The following LAMA3 variants were observed in gnomAD, a reference collection of about 807,000 sequenced individuals.
The protein encoded by LAMA3 is laminin subunit alpha-3.
In LAMA3, 281 loss-of-function variants were observed where a neutral mutation model predicts 402.0. The ratio of observed to expected loss-of-function variants is 0.70; its 90% CI spans 0.63 to 0.77. LAMA3 has a LOEUF of 0.77. Ranked by LOEUF, LAMA3 falls within the 30% of genes least tolerant of loss-of-function variation. LAMA3 has a pLI of 0.00. For synonymous variants in LAMA3, 1,431 were observed against 1,558.4 expected, an observed-to-expected ratio of 0.92 and a Z score of 1.93; for missense variants, 3,840 against 4,215.5, an observed-to-expected ratio of 0.91 and a Z score of 2.47.
At chr18:23,908,851 G>A (rs1283930320) in intron 54 of LAMA3, among the ~76,000 whole-genome samples, 1 of 152,216 alleles carries the variant, frequency 6.6e-6, no homozygotes, top group African/African-American at 2.4e-5. Context: ...ATTCACATGG[G>A]TGGGACCATA....
chr18:23,912,139 G>GTTT (rs35301452), intron 55 of LAMA3, among the ~76,000 whole-genome samples: 2 of 140,364 alleles, frequency 1.4e-5, no homozygotes, highest in Non-Finnish European at 3.0e-5. Flanking sequence ...GATATATATA[G>GTTT]TTTTTTTTTT....
chr18:23,843,779 A>G (rs1289394270), intron 29 of LAMA3, among the ~76,000 whole-genome samples: 1 of 152,024 alleles, frequency 6.6e-6, no homozygotes, highest in Non-Finnish European at 1.5e-5. Flanking sequence ...TCTCTCTGCC[A>G]TTGCCCTACT....
chr18:23,748,076 T>C lies in LAMA3; in HGVS notation c.565+16T>C. 7.8e-7 allele frequency: 1 copy of C among 1,283,088 alleles called. No homozygotes were observed. Among genetic ancestry groups the C allele is most frequent in the East Asian group, 2.3e-5 (1 of 43,400 alleles). 79.5% of individuals were successfully genotyped at this position (1,283,088 alleles called of 1,614,324 possible). A position where few individuals can be genotyped will look rare whatever the true frequency, so the allele number is the denominator to read the frequency against. The stretch of plus-strand genomic sequence containing the variant: ...TATTTTGCTCGTAAGTAATCTTGCC[T>C]ACCATGTTATGCATGGCTTTAATTA... On this transcript the variant is annotated intron_variant, in intron 3 of 74. Transcript: ENST00000313654.
At chr18:23,827,563 G>T in intron 23 of LAMA3, 96 bp downstream of exon 23, 7 of 1,336,514 alleles carry the variant, frequency 5.2e-6, no homozygotes, top group Non-Finnish European at 7.3e-6. Context: ...AAATTCAGGG[G>T]AACCTGGAAG....
chr18:23,932,483 C>A, intron 66 of LAMA3, 192 bp downstream of exon 66: 1 of 571,282 alleles, frequency 1.8e-6, no homozygotes. Context: ...CTGGGCCCGG[C>A]CTCCTTTTGG....
intron 44 of LAMA3, among the ~76,000 whole-genome samples, chr18:23,895,601 T>A (rs2080850645): frequency 6.6e-6 from 1 of 152,244 alleles, no homozygotes; most frequent in Non-Finnish European, 1.5e-5. Context: ...TTGTTCATAA[T>A]GTTCCCTTAT....
chr18:23,926,570 A>T (rs1256828541), intron 62 of LAMA3, among the ~76,000 whole-genome samples: 1 of 152,214 alleles, frequency 6.6e-6, no homozygotes, highest in Non-Finnish European at 1.5e-5. Context: ...AGGTAGCTCA[A>T]CTGTTTCTAA....
At chr18:23,717,990 GC>G in intron 2 of LAMA3, among the ~76,000 whole-genome samples, 1 of 152,160 alleles carries the variant, frequency 6.6e-6, no homozygotes, top group Non-Finnish European at 1.5e-5. Flanking sequence ...TATACATTAT[GC>G]AGTAGTTTCA....
intron 6 of LAMA3, among the ~76,000 whole-genome samples, chr18:23,754,728 T>C (rs903989670): frequency 1.3e-5 from 2 of 152,236 alleles, no homozygotes; most frequent in Non-Finnish European, 2.9e-5. Flanking sequence ...CAGCCATACA[T>C]TTGTGTTACC....
chr18:23,858,586 C>T lies in LAMA3; in HGVS notation c.4282-103C>T, dbSNP rs941826840. The T allele has an allele frequency of 1.8e-4, 187 of 1,052,660 alleles. 3 individuals carry two copies. In the Admixed American group the frequency reaches 1.9e-3, roughly 11 times the overall value. 65.2% of individuals were successfully genotyped at this position (1,052,660 alleles called of 1,614,324 possible). A position where few individuals can be genotyped will look rare whatever the true frequency, so the allele number is the denominator to read the frequency against. On this transcript the variant is annotated intron_variant, in intron 33 of 74. Transcript: ENST00000313654. ...TCTTTTAATGTTTTGCTCACATCCT[C>T]ATCCTAACATCTTGTGTTGGTATTT...
chr18:23,888,938 T>TAAAA (rs5823406), intron 41 of LAMA3, among the ~76,000 whole-genome samples: 2 of 145,802 alleles, frequency 1.4e-5, no homozygotes, highest in Non-Finnish European at 1.5e-5. Context: ...TATTTGACTT[T>TAAAA]AAAAAAAAAA....
At chr18:23,738,392 G>T (rs1340640540) in intron 2 of LAMA3, among the ~76,000 whole-genome samples, 1 of 152,090 alleles carries the variant, frequency 6.6e-6, no homozygotes, top group East Asian at 1.9e-4. Flanking sequence ...AGAAGGAGCG[G>T]ATGTGCAGAT....
intron 12 of LAMA3, chr18:23,795,994 A>ACT (rs779509714): frequency 6.4e-5 from 22 of 345,800 alleles, no homozygotes; most frequent in East Asian, 8.8e-5. Context: ...TAGCTCGTTC[A>ACT]CTCTCTCTCT....
chr18:23,873,185 A>C, intron 38 of LAMA3: 1 of 1,614,242 alleles, frequency 6.2e-7, no homozygotes, highest in Non-Finnish European at 8.5e-7. Context: ...GTCAACTGCA[A>C]GCGAGTTATG....
chr18:23,707,719 C>A (rs1456984397), intron 1 of LAMA3, among the ~76,000 whole-genome samples: 2 of 151,606 alleles, frequency 1.3e-5, no homozygotes, highest in Non-Finnish European at 2.9e-5. Context: ...CAGGCTGTCA[C>A]CAACTCCCTG....
Position 23,867,771 on chromosome 18 carries a change from C to A in LAMA3, c.4684-63C>A, listed in dbSNP as rs549475081. 20 of 1,239,388 alleles carry A rather than the reference C, an allele frequency of 1.6e-5. No individual in the cohort carries two copies. The African/African-American group carries it at 2.8e-4, about 17-fold the overall frequency. The allele number at this position is 1,239,388 out of a possible 1,614,324, so 76.8% of individuals were successfully genotyped here. A position where few individuals can be genotyped will look rare whatever the true frequency, so the allele number is the denominator to read the frequency against. The stretch of plus-strand genomic sequence containing the variant: ...AGACCATAGAAATGTTTTCTTAGAT[C>A]AGTTATAAATCTTGAAAGATCCCAG... On this transcript the variant is annotated intron_variant, in intron 36 of 74. Coordinates refer to ENST00000313654, the MANE Select transcript of LAMA3 (RefSeq NM_198129.4).
At chr18:23,713,898 A>G (rs751711806) in intron 1 of LAMA3, 22 bp from the exon 2 acceptor site, 2 of 1,605,460 alleles carry the variant, frequency 1.2e-6, no homozygotes. Context: ...AAAACAAAAA[A>G]AACCCACTTT....
intron 12 of LAMA3, among the ~76,000 whole-genome samples, chr18:23,802,615 T>C (rs1314644833): frequency 6.6e-6 from 1 of 152,216 alleles, no homozygotes; most frequent in Non-Finnish European, 1.5e-5. Context: ...GTAGCAGTCT[T>C]AACTTCCAGT....
chr18:23,865,906 G>A (rs1331900440), intron 36 of LAMA3, among the ~76,000 whole-genome samples: 2 of 152,096 alleles, frequency 1.3e-5, no homozygotes, highest in Non-Finnish European at 2.9e-5. Context: ...TGCTATAACA[G>A]GATTTTTAGT....
Sources: allele counts gnomAD v4.1 joint callset (sites outside exome capture counted in the v4.1 genomes callset), GRCh38; gene constraint gnomAD v4.1.1; transcripts MANE v1.5; gene names NCBI Gene and HGNC (gene_info 2026-07-23, HGNC 2026-07-21).